DYM: variants seen among roughly 807,000 people sequenced by gnomAD.
The protein encoded by DYM is dyggve-Melchior-Clausen syndrome protein.
Under a neutral mutation model 93.1 loss-of-function variants are expected in DYM, and 78 were observed. The observed-to-expected ratio is 0.84, with a 90% CI of 0.70 to 1.01. The LOEUF is 1.01. Among genes scored for constraint, DYM ranks in the 50% least tolerant of loss-of-function variants. DYM has a pLI of 0.00. For synonymous variants in DYM, 321 were observed against 319.7 expected (o/e 1.00, Z -0.04); for missense variants, 789 against 845.0 (o/e 0.93, Z 0.82).
At chr18:49,174,211 G>C (rs745361886) in intron 14 of DYM, among the ~76,000 whole-genome samples, 1 of 118,972 alleles carries the variant, frequency 8.4e-6, no homozygotes, top group Non-Finnish European at 1.7e-5. Flanking sequence ...GGTCCCAATG[G>C]TATCTTTTTC....
chr18:49,135,032 C>T lies in DYM; in HGVS notation c.1729-16106G>A, dbSNP rs1044624900. Among the ~76,000 whole-genome samples the T allele has an allele frequency of 6.2e-4, 94 of 151,568 alleles. 2 individuals are homozygous for T. Among genetic ancestry groups the T allele is most frequent in the Non-Finnish European group, 3.1e-4 (21 of 67,920 alleles). On this transcript the variant is annotated intron_variant, in intron 15 of 17. Coordinates refer to ENST00000675505, the MANE Select transcript of DYM (RefSeq NM_001353214.3). ...CTGAGGCAGGAGAATCACTTGAATCCGGGAGGCGGAGGTTGCAGTGAGCTG... is the reference window on the plus strand; with the variant it reads ...CTGAGGCAGGAGAATCACTTGAATCTGGGAGGCGGAGGTTGCAGTGAGCTG...
At chr18:49,338,149 C>T (rs2063810450) in intron 6 of DYM, among the ~76,000 whole-genome samples, 2 of 152,104 alleles carry the variant, frequency 1.3e-5, no homozygotes, top group Admixed American at 6.5e-5. Flanking sequence ...AGATAAATAG[C>T]ATTTCTCCTT....
chr18:49,252,946 G>GCAAAACT (rs1450224490), intron 13 of DYM, among the ~76,000 whole-genome samples: 34 of 152,100 alleles, frequency 2.2e-4, no homozygotes, highest in Admixed American at 1.3e-4. Context: ...ACAAAGTTAA[G>GCAAAACT]CAAAACTCAA....
At chr18:49,184,320 T>C (rs2090221357) in intron 14 of DYM, among the ~76,000 whole-genome samples, 1 of 152,078 alleles carries the variant, frequency 6.6e-6, no homozygotes, top group Non-Finnish European at 1.5e-5. Context: ...ACTTCATCCT[T>C]AGCCAAGGCC....
chr18:49,142,299 T>C (rs759608131), intron 15 of DYM, among the ~76,000 whole-genome samples: 1 of 152,172 alleles, frequency 6.6e-6, no homozygotes, highest in Non-Finnish European at 1.5e-5. Flanking sequence ...TATTTTCAGA[T>C]GTAGAATTGA....
At chr18:49,452,015 T>C (rs1431125092) in intron 1 of DYM, among the ~76,000 whole-genome samples, 1 of 152,218 alleles carries the variant, frequency 6.6e-6, no homozygotes, top group Non-Finnish European at 1.5e-5. Flanking sequence ...ATTGCTATAC[T>C]CACTCTACTA....
intron 2 of DYM, among the ~76,000 whole-genome samples, chr18:49,422,464 G>A (rs952399014): frequency 1.3e-5 from 2 of 152,140 alleles, no homozygotes; most frequent in African/African-American, 2.4e-5. Context: ...AAAGACCATC[G>A]AGGCTAGGAA....
chr18:49,072,111 T>G (rs1202449237), intron 17 of DYM, among the ~76,000 whole-genome samples: 1 of 152,228 alleles, frequency 6.6e-6, no homozygotes, highest in Non-Finnish European at 1.5e-5. Context: ...TTAGCCTAGT[T>G]CCATTCCTTA....
rs1334059633 is a variant in DYM at position 49,163,669 on chromosome 18, T to C, written c.1728+16A>G. On this transcript the variant is annotated intron_variant, in intron 15 of 17. Transcript: ENST00000675505. ...GAAAGGAAAATTTTTTATTGATGAA[T>C]AAGGTAACTACTTACATAATCTGGT... 4.4e-6 allele frequency: 7 copies of C among 1,573,902 alleles called. No homozygotes were observed. Among genetic ancestry groups the C allele is most frequent in the Non-Finnish European group, 6.1e-6 (7 of 1,146,682 alleles).
chr18:49,304,670 A>T (rs1244698846), intron 8 of DYM, among the ~76,000 whole-genome samples: 1 of 152,094 alleles, frequency 6.6e-6, no homozygotes, highest in Non-Finnish European at 1.5e-5. Context: ...CAAACATCCC[A>T]GCTACCTTGA....
At position 49,325,411 on chromosome 18, in the gene DYM, G is replaced by A. The variant is rs546235168; in HGVS notation, c.763+6453C>T. On this transcript the variant is annotated intron_variant, in intron 8 of 17. Transcript: ENST00000675505. Reference sequence around the variant, plus strand: ...CAGAAACACTCTGCTCTCCACACAAGAATTAAAATGTGCTACTCCTCTCTC... The same window carrying A: ...CAGAAACACTCTGCTCTCCACACAAAAATTAAAATGTGCTACTCCTCTCTC... 1.2e-4 allele frequency among the ~76,000 whole-genome samples: 18 copies of A among 152,232 alleles called. No homozygotes were observed. In the East Asian group the frequency reaches 2.1e-3, roughly 18 times the overall value.
chr18:49,413,374 T>C (rs1387753385), intron 2 of DYM, among the ~76,000 whole-genome samples: 3 of 152,214 alleles, frequency 2.0e-5, no homozygotes, highest in Non-Finnish European at 1.5e-5. Flanking sequence ...GTCCAGCATC[T>C]GACAAACAGT....
chr18:49,116,525 G>A (rs1311950967), intron 16 of DYM: 1 of 152,162 alleles, frequency 6.6e-6, no homozygotes, highest in African/African-American at 2.4e-5. Context: ...TTCATACAGA[G>A]AACGATTTCT....
intron 15 of DYM, among the ~76,000 whole-genome samples, chr18:49,122,764 A>G (rs999161819): frequency 7.9e-5 from 12 of 152,180 alleles, no homozygotes; most frequent in Admixed American, 6.5e-4. Flanking sequence ...CCGCTGCTTT[A>G]TATTCTTCAG....
At chr18:49,108,285 T>C (rs1568433941) in intron 16 of DYM, among the ~76,000 whole-genome samples, 1 of 152,228 alleles carries the variant, frequency 6.6e-6, no homozygotes, top group Non-Finnish European at 1.5e-5. Flanking sequence ...AGTGACCCGA[T>C]TTTCCAGGTG....
intron 8 of DYM, among the ~76,000 whole-genome samples, chr18:49,288,998 TA>T (rs2059848019): frequency 6.6e-6 from 1 of 152,104 alleles, no homozygotes; most frequent in Non-Finnish European, 1.5e-5. Flanking sequence ...ACAATTTGTA[TA>T]AAGCTATAGT....
Position 49,041,206 on chromosome 18 carries a change from T to G in DYM, c.*2849A>C, listed in dbSNP as rs2070903279. Among the ~76,000 whole-genome samples the G allele has an allele frequency of 6.6e-6, 1 of 152,170 alleles. No individual in the cohort carries two copies. Among genetic ancestry groups the G allele is most frequent in the Non-Finnish European group, 1.5e-5 (1 of 68,018 alleles). On this transcript the variant is annotated 3_prime_UTR_variant, in exon 18 of 18. Transcript: ENST00000675505. The stretch of plus-strand genomic sequence containing the variant: ...CAACGGGTGACTGTGGGAACTAGAG[T>G]TAGAAATCTGAAGCTCTTCTGCAAA...
chr18:49,256,919 A>G (rs113633026), intron 13 of DYM, 91 bp downstream of exon 13: 1 of 1,078,000 alleles, frequency 9.3e-7, no homozygotes, highest in Admixed American at 1.9e-5. Context: ...GATAGTCCTC[A>G]CAGGTAACAT....
chr18:49,108,072 C>A (rs111997901), intron 16 of DYM, among the ~76,000 whole-genome samples: 3,808 of 151,874 alleles, frequency 0.025, 57 homozygotes, highest in South Asian at 0.064. Flanking sequence ...AGCTTCCTGG[C>A]CACTTTGTTT....
Sources: allele counts gnomAD v4.1 joint callset (sites outside exome capture counted in the v4.1 genomes callset), GRCh38; gene constraint gnomAD v4.1.1; transcripts MANE v1.5; gene names NCBI Gene and HGNC (gene_info 2026-07-23, HGNC 2026-07-21).